The following ATXN8OS variants were observed in gnomAD, a reference collection of about 807,000 sequenced individuals.
ATXN8OS encodes ATXN8 opposite strand lncRNA, also known as ATXN8 opposite strand (non-protein coding).
chr13:70,151,337 T>C (rs1471522042), intron 4 of ATXN8OS, among the ~76,000 whole-genome samples: 26 of 152,136 alleles, frequency 1.7e-4, no homozygotes, highest in Non-Finnish European at 5.9e-5. Flanking sequence ...CATTCTATTA[T>C]CTGCTTCTGA....
intron 2 of ATXN8OS, among the ~76,000 whole-genome samples, chr13:70,127,019 T>C (rs1888449354): frequency 6.6e-6 from 1 of 151,928 alleles, no homozygotes; most frequent in East Asian, 1.9e-4. Context: ...CAGTTTTGTA[T>C]TATGAATCTT....
intron 4 of ATXN8OS, among the ~76,000 whole-genome samples, chr13:70,161,295 T>A (rs1399745598): frequency 1.3e-5 from 2 of 152,126 alleles, no homozygotes; most frequent in Non-Finnish European, 2.9e-5. Flanking sequence ...TTTTGCCTCA[T>A]TTACTGTGTT....
chr13:70,133,704 G>T (rs531016860), intron 3 of ATXN8OS, among the ~76,000 whole-genome samples: 1 of 152,140 alleles, frequency 6.6e-6, no homozygotes, highest in African/African-American at 2.4e-5. Context: ...ACTGGAGTTG[G>T]GCTGCTACAG....
intron 2 of ATXN8OS, among the ~76,000 whole-genome samples, chr13:70,120,091 G>A (rs567516648): frequency 1.9e-4 from 29 of 152,196 alleles, no homozygotes; most frequent in African/African-American, 6.0e-4. Flanking sequence ...TCAACTTATA[G>A]CAGACATTGA....
chr13:70,134,222 T>C (rs1173928072), intron 3 of ATXN8OS, among the ~76,000 whole-genome samples: 3 of 152,176 alleles, frequency 2.0e-5, no homozygotes, highest in Non-Finnish European at 4.4e-5. Flanking sequence ...TTACAAAACA[T>C]AGAAGACATA....
Position 70,112,921 on chromosome 13 carries a change from T to TATATATATA in ATXN8OS, n.241-2220_241-2219insATATATATA, listed in dbSNP as rs71116991. ...CTGCTGAGGGACTTTATATATATAA[T>TATATATATA]TTTTTTTTTTTTTTTTTTTGAGATG... On this transcript the variant is annotated intron_variant and non_coding_transcript_variant, in intron 1 of 4. Transcript: ENST00000678624. Among the ~76,000 whole-genome samples the TATATATATA allele has an allele frequency of 4.9e-3, 256 of 52,362 alleles. 2 individuals are homozygous for TATATATATA. Among genetic ancestry groups the TATATATATA allele is most frequent in the African/African-American group, 0.017 (168 of 10,010 alleles). 34.4% of individuals were successfully genotyped at this position (52,362 alleles called of 152,430 possible). A position where few individuals can be genotyped will look rare whatever the true frequency, so the allele number is the denominator to read the frequency against.
At chr13:70,165,172 AG>A (rs1889063770) in intron 4 of ATXN8OS, among the ~76,000 whole-genome samples, 2 of 152,102 alleles carry the variant, frequency 1.3e-5, no homozygotes, top group South Asian at 4.1e-4. Context: ...GAAAAACAAA[AG>A]TTATCAGGAA....
chr13:70,169,923 C>T (rs1317442835), exon 5 of ATXN8OS, among the ~76,000 whole-genome samples: 1 of 152,086 alleles, frequency 6.6e-6, no homozygotes, highest in Non-Finnish European at 1.5e-5. Context: ...CTTGCAAATG[C>T]ATTGCGAGCC....
chr13:70,152,599 G>T (rs547101140), intron 4 of ATXN8OS, among the ~76,000 whole-genome samples: 1 of 151,870 alleles, frequency 6.6e-6, no homozygotes, highest in Non-Finnish European at 1.5e-5. Context: ...CATGCATGAT[G>T]CCCCTATGCC....
intron 1 of ATXN8OS, among the ~76,000 whole-genome samples, chr13:70,113,330 T>G (rs955335660): frequency 2.0e-5 from 3 of 152,158 alleles, no homozygotes; most frequent in African/African-American, 7.2e-5. Context: ...ACATATACAT[T>G]TAATAAGTAT....
intron 4 of ATXN8OS, among the ~76,000 whole-genome samples, chr13:70,148,947 A>AAC (rs1037049431): frequency 6.6e-6 from 1 of 152,154 alleles, no homozygotes; most frequent in Non-Finnish European, 1.5e-5. Context: ...ATTTGCTTTT[A>AAC]ACACACACAC....
At chr13:70,148,738 T>A (rs1468874210) in intron 4 of ATXN8OS, among the ~76,000 whole-genome samples, 11 of 152,132 alleles carry the variant, frequency 7.2e-5, no homozygotes, top group Non-Finnish European at 1.6e-4. Flanking sequence ...TCTAGGCAAG[T>A]GTTTTTAGTC....
At chr13:70,146,739 G>A (rs1045272137) in intron 3 of ATXN8OS, among the ~76,000 whole-genome samples, 3 of 140,618 alleles carry the variant, frequency 2.1e-5, no homozygotes, top group African/African-American at 7.9e-5. Context: ...ACAGGAAGGG[G>A]AACATCACAC....
chr13:70,145,168 T>C (rs1024968706), intron 3 of ATXN8OS, among the ~76,000 whole-genome samples: 1 of 152,094 alleles, frequency 6.6e-6, no homozygotes, highest in Non-Finnish European at 1.5e-5. Context: ...TGTAGGTATG[T>C]GGCATTATTT....
intron 3 of ATXN8OS, among the ~76,000 whole-genome samples, chr13:70,144,954 G>A (rs1051845850): frequency 1.3e-5 from 2 of 152,102 alleles, no homozygotes; most frequent in Non-Finnish European, 2.9e-5. Flanking sequence ...CTATGTCAAG[G>A]TGTCACACCT....
chr13:70,114,749 T>C (rs1006836548), intron 1 of ATXN8OS, among the ~76,000 whole-genome samples: 1 of 152,166 alleles, frequency 6.6e-6, no homozygotes, highest in Non-Finnish European at 1.5e-5. Flanking sequence ...TTTCATTCTA[T>C]CTTGATACAA....
At chr13:70,111,517 T>G (rs1269688571) in intron 1 of ATXN8OS, among the ~76,000 whole-genome samples, 1 of 152,116 alleles carries the variant, frequency 6.6e-6, no homozygotes, top group East Asian at 1.9e-4. Context: ...ACTTCCATGA[T>G]AACCCATTAA....
Position 70,160,802 on chromosome 13 carries a change from T to A in ATXN8OS, n.574-8951T>A, listed in dbSNP as rs1180849257. 3.0e-5 allele frequency among the ~76,000 whole-genome samples: 3 copies of A among 99,186 alleles called. 1 individual carries two copies. The highest frequency in any genetic ancestry group is 1.1e-4 in the African/African-American group (3 of 28,394). 65.1% of individuals were successfully genotyped at this position (99,186 alleles called of 152,430 possible). ...TATAAATATTTATTTATAAATATAT[T>A]TATTATAAATATATATAAATATATA... On this transcript the variant is annotated intron_variant and non_coding_transcript_variant, in intron 4 of 4. Coordinates refer to ENST00000678624, the Ensembl canonical transcript of ATXN8OS.
At chr13:70,137,689 G>C (rs1888636886) in intron 3 of ATXN8OS, among the ~76,000 whole-genome samples, 1 of 152,038 alleles carries the variant, frequency 6.6e-6, no homozygotes, top group Non-Finnish European at 1.5e-5. Flanking sequence ...TTTTAAAGCA[G>C]GTTTAATAAG....
Sources: gnomAD v4.1 joint callset for allele counts (sites outside exome capture counted in the v4.1 genomes callset) on GRCh38, gnomAD v4.1.1 for gene constraint, MANE v1.5 for transcripts, NCBI Gene and HGNC (gene_info 2026-07-23, HGNC 2026-07-21) for gene names.